The following RECK variants were observed in gnomAD, a reference collection of about 807,000 sequenced individuals.
RECK encodes the protein reversion-inducing cysteine-rich protein with Kazal motifs.
In RECK, 69 loss-of-function variants were observed where a neutral mutation model predicts 115.1. That is an observed-to-expected ratio of 0.60 (90% confidence interval 0.49 to 0.73). The LOEUF is 0.73. Ranked by LOEUF, RECK falls within the 30% of genes least tolerant of loss-of-function variation. The pLI, the probability that RECK is intolerant of heterozygous loss-of-function variation, is 0.00. For synonymous variants in RECK, 414 were observed against 419.7 expected, an observed-to-expected ratio of 0.99 and a Z score of 0.17; for missense variants, 1,047 against 1,203.7, an observed-to-expected ratio of 0.87 and a Z score of 1.93.
chr9:36,090,581 TA>T (rs2132637171), intron 9 of RECK, among the ~76,000 whole-genome samples: 1 of 152,330 alleles, frequency 6.6e-6, no homozygotes, highest in East Asian at 1.9e-4. Context: ...TACACATACT[TA>T]AGTTGCTTTG....
rs528942481 is a variant in RECK at position 36,061,196 on chromosome 9, A to G, written c.271+1041A>G. 9.9e-5 allele frequency among the ~76,000 whole-genome samples: 15 copies of G among 152,258 alleles called. No homozygotes were observed. In the South Asian group the frequency reaches 3.1e-3, roughly 32 times the overall value. ...CTGACACTCATGATCTCCCAGGATTACAGCCTATTTGCCAGCCCTGGATAG... is the reference window on the plus strand; with the variant it reads ...CTGACACTCATGATCTCCCAGGATTGCAGCCTATTTGCCAGCCCTGGATAG... On this transcript the variant is annotated intron_variant, in intron 4 of 20. Coordinates refer to ENST00000377966, the MANE Select transcript of RECK (RefSeq NM_021111.3).
intron 2 of RECK, among the ~76,000 whole-genome samples, chr9:36,058,263 C>T (rs574984892): frequency 1.3e-5 from 2 of 151,852 alleles, no homozygotes; most frequent in Non-Finnish European, 2.9e-5. Context: ...AGATGTCCAA[C>T]AATGACAGAC....
chr9:36,044,455 G>A (rs938342156), intron 1 of RECK, among the ~76,000 whole-genome samples: 4 of 152,068 alleles, frequency 2.6e-5, no homozygotes, highest in Non-Finnish European at 5.9e-5. Flanking sequence ...TTACCAATTT[G>A]GATGCCCTTG....
At chr9:36,065,510 A>T (rs2132591915) in intron 5 of RECK, 67 bp from the exon 6 acceptor site, 2 of 1,219,242 alleles carry the variant, frequency 1.6e-6, no homozygotes, top group East Asian at 5.3e-5. Flanking sequence ...ATGCTAATTT[A>T]TGTTCTTTTT....
At chr9:36,044,917 A>G (rs79349303) in intron 1 of RECK, among the ~76,000 whole-genome samples, 1,953 of 152,240 alleles carry the variant, frequency 0.013, 30 homozygotes, top group Non-Finnish European at 0.018. Context: ...CCATTGTAGG[A>G]CCTTGATTAG....
intron 1 of RECK, among the ~76,000 whole-genome samples, chr9:36,043,537 A>C (rs1385085950): frequency 6.6e-6 from 1 of 150,760 alleles, no homozygotes; most frequent in Non-Finnish European, 1.5e-5. Flanking sequence ...AGTCCCATGT[A>C]TTTATCTTTG....
rs148772842 is a variant in RECK at position 36,104,135 on chromosome 9, C to T, written c.1436-1008C>T. ...ATAAATTCTCATTTATGATAAAACA[C>T]GCTAAATTATCCTTCTTAGACATCT... is the stretch of plus-strand genomic sequence containing the variant. On this transcript the variant is annotated intron_variant, in intron 12 of 20. Transcript: ENST00000377966. Among the ~76,000 whole-genome samples the T allele has an allele frequency of 4.8e-3, 725 of 151,110 alleles. 4 individuals carry two copies. Among genetic ancestry groups the T allele is most frequent in the African/African-American group, 0.017 (682 of 41,192 alleles).
At chr9:36,049,752 C>G (rs948103571) in intron 1 of RECK, among the ~76,000 whole-genome samples, 1 of 152,230 alleles carries the variant, frequency 6.6e-6, no homozygotes, top group East Asian at 1.9e-4. Context: ...TGTTCTACAA[C>G]TGCTCAAAAG....
At chr9:36,040,754 G>C (rs1820837788) in intron 1 of RECK, among the ~76,000 whole-genome samples, 1 of 151,768 alleles carries the variant, frequency 6.6e-6, no homozygotes, top group South Asian at 2.1e-4. Context: ...TTTAAAATAT[G>C]TTGCTGATGG....
intron 6 of RECK, among the ~76,000 whole-genome samples, chr9:36,074,129 C>T (rs1822352044): frequency 6.6e-6 from 1 of 152,130 alleles, no homozygotes; most frequent in Admixed American, 6.5e-5. Context: ...CACTTTAAAG[C>T]CTTTCCTGCC....
intron 14 of RECK, among the ~76,000 whole-genome samples, chr9:36,108,833 A>G (rs1823920812): frequency 6.6e-6 from 1 of 151,912 alleles, no homozygotes; most frequent in Admixed American, 6.6e-5. Context: ...CCCAACAACT[A>G]TTCATGTCAA....
At chr9:36,092,542 AT>A (rs71508011) in intron 10 of RECK, among the ~76,000 whole-genome samples, 1,351 of 117,030 alleles carry the variant, frequency 0.012, 11 homozygotes, top group African/African-American at 0.024. Context: ...CACCCAGCTA[AT>A]TTTTTTTTTT....
At chr9:36,090,968 A>T (rs1274698636) in intron 9 of RECK, among the ~76,000 whole-genome samples, 196 bp from the exon 10 acceptor site, 1 of 152,234 alleles carries the variant, frequency 6.6e-6, no homozygotes, top group African/African-American at 2.4e-5. Context: ...AAGGTAGGTG[A>T]TAAAAGAAGC....
intron 17 of RECK, among the ~76,000 whole-genome samples, 187 bp from the exon 18 acceptor site, chr9:36,118,570 A>C (rs916828944): frequency 6.6e-6 from 1 of 152,166 alleles, no homozygotes; most frequent in African/African-American, 2.4e-5. Context: ...ATCTGGAGAC[A>C]CCCATATTGC....
intron 10 of RECK, among the ~76,000 whole-genome samples, chr9:36,093,576 C>T (rs781024786): frequency 6.6e-6 from 1 of 152,008 alleles, no homozygotes; most frequent in South Asian, 2.1e-4. Flanking sequence ...TCAGTGACCT[C>T]GGAGATTGCT....
intron 4 of RECK, among the ~76,000 whole-genome samples, chr9:36,062,941 C>A (rs1259584871): frequency 2.0e-5 from 3 of 151,896 alleles, no homozygotes; most frequent in South Asian, 2.1e-4. Flanking sequence ...TCAAGACCAG[C>A]CTGGTCAACA....
chr9:36,076,453 C>T (rs1822455336), intron 6 of RECK, among the ~76,000 whole-genome samples: 1 of 152,130 alleles, frequency 6.6e-6, no homozygotes, highest in African/African-American at 2.4e-5. Flanking sequence ...CATAGGGTTC[C>T]CTCAACTTTG....
chr9:36,112,656 G>T (rs545544879), intron 16 of RECK, among the ~76,000 whole-genome samples, 180 bp downstream of exon 16: 2 of 152,168 alleles, frequency 1.3e-5, no homozygotes, highest in African/African-American at 4.8e-5. Context: ...GCGATTGGGA[G>T]CCCAGAAGTA....
chr9:36,089,950 C>CCCA (rs762386859), intron 9 of RECK, among the ~76,000 whole-genome samples: 3 of 143,464 alleles, frequency 2.1e-5, no homozygotes, highest in Non-Finnish European at 4.5e-5. Flanking sequence ...ATGGCAAAAC[C>CCCA]CCATCTCTAC....
Sources: gnomAD v4.1 joint callset for allele counts (sites outside exome capture counted in the v4.1 genomes callset) on GRCh38, gnomAD v4.1.1 for gene constraint, MANE v1.5 for transcripts, NCBI Gene and HGNC (gene_info 2026-07-23, HGNC 2026-07-21) for gene names.